The following PLPPR5 variants were observed in gnomAD, a reference collection of about 807,000 sequenced individuals.
PLPPR5 encodes the protein phospholipid phosphatase related 5.
In PLPPR5, 16 loss-of-function variants were observed where a neutral mutation model predicts 33.9. The ratio of observed to expected loss-of-function variants is 0.47; its 90% confidence interval spans 0.32 to 0.72. PLPPR5 has a LOEUF of 0.72. PLPPR5 is among the 30% of genes least tolerant of loss of function. PLPPR5 has a pLI of 0.03. For synonymous variants in PLPPR5, 163 were observed against 150.3 expected (o/e 1.08, Z -0.62); for missense variants, 301 against 406.7 (o/e 0.74, Z 2.23).
intron 1 of PLPPR5, among the ~76,000 whole-genome samples, chr1:98,965,132 C>T (rs7522359): frequency 0.11 from 16,741 of 151,984 alleles, 991 homozygotes; most frequent in African/African-American, 0.12. Context: ...TATCTATGCA[C>T]TCAGAGCTGG....
chr1:98,897,256 T>G (rs1648515510), intron 5 of PLPPR5, among the ~76,000 whole-genome samples: 1 of 152,222 alleles, frequency 6.6e-6, no homozygotes, highest in African/African-American at 2.4e-5. Flanking sequence ...CACATACGTT[T>G]ATTGCCTTAA....
At chr1:98,951,022 G>A (rs1650763291) in intron 3 of PLPPR5, among the ~76,000 whole-genome samples, 1 of 152,092 alleles carries the variant, frequency 6.6e-6, no homozygotes, top group Admixed American at 6.5e-5. Flanking sequence ...ATGTCTATTA[G>A]TATTAAAATA....
intron 5 of PLPPR5, among the ~76,000 whole-genome samples, chr1:98,898,282 T>A (rs969400936): frequency 6.6e-6 from 1 of 152,128 alleles, no homozygotes; most frequent in South Asian, 2.1e-4. Context: ...TGTAAAAACA[T>A]CTGACACTAA....
chr1:98,966,036 T>C (rs762377641), intron 1 of PLPPR5, among the ~76,000 whole-genome samples: 4 of 152,196 alleles, frequency 2.6e-5, no homozygotes, highest in Non-Finnish European at 5.9e-5. Flanking sequence ...GGGGTTTTAT[T>C]TGTTACAGAA....
chr1:98,978,789 G>A (rs1035246502), intron 1 of PLPPR5, among the ~76,000 whole-genome samples: 1 of 151,922 alleles, frequency 6.6e-6, no homozygotes, highest in Non-Finnish European at 1.5e-5. Flanking sequence ...CATATCATAA[G>A]GAAACTGAGA....
chr1:98,964,853 G>A (rs2101235262), intron 1 of PLPPR5, among the ~76,000 whole-genome samples: 1 of 152,138 alleles, frequency 6.6e-6, no homozygotes, highest in East Asian at 1.9e-4. Context: ...GCCCAGGGTG[G>A]AGTGCCATGG....
At position 98,920,415 on chromosome 1, in the gene PLPPR5, CT is replaced by C. The variant is rs561821365; in HGVS notation, c.798+1466del. Reference sequence around the variant, plus strand: ...TATGTAAAGTTTGTTGTTGGTTTTGCTTTTTGAATGTTAACCAGTTTCAACT... The same window carrying C: ...TATGTAAAGTTTGTTGTTGGTTTTGCTTTTGAATGTTAACCAGTTTCAACT... On this transcript the variant is annotated intron_variant, in intron 4 of 5. Transcript: ENST00000263177. Among the ~76,000 whole-genome samples the C allele has an allele frequency of 7.5e-5, 10 of 133,372 alleles. No homozygotes were observed. The East Asian group carries it at 1.9e-3, about 26-fold the overall frequency. 87.5% of individuals were successfully genotyped at this position (133,372 alleles called of 152,430 possible). A position where few individuals can be genotyped will look rare whatever the true frequency, so the allele number is the denominator to read the frequency against.
At chr1:98,947,750 C>T (rs1484064751) in intron 3 of PLPPR5, among the ~76,000 whole-genome samples, 1 of 152,174 alleles carries the variant, frequency 6.6e-6, no homozygotes, top group Non-Finnish European at 1.5e-5. Context: ...ACATCAATAA[C>T]ACTTAGCTGA....
chr1:98,925,152 CT>C (rs1428265226), intron 3 of PLPPR5, among the ~76,000 whole-genome samples: 2 of 152,186 alleles, frequency 1.3e-5, no homozygotes, highest in African/African-American at 2.4e-5. Context: ...GCATAATAAT[CT>C]ATTAAGCATG....
intron 1 of PLPPR5, among the ~76,000 whole-genome samples, chr1:98,958,971 G>A (rs1228590050): frequency 6.6e-6 from 1 of 151,934 alleles, no homozygotes; most frequent in Non-Finnish European, 1.5e-5. Flanking sequence ...CCCCAACTCA[G>A]GCTACCATGC....
chr1:98,984,231 T>C (rs1169680946), intron 1 of PLPPR5, among the ~76,000 whole-genome samples: 1 of 151,890 alleles, frequency 6.6e-6, no homozygotes, highest in Non-Finnish European at 1.5e-5. Flanking sequence ...ATCAAGAGAG[T>C]GTCTATGCAA....
chr1:98,924,494 G>A (rs1649679671), intron 3 of PLPPR5, among the ~76,000 whole-genome samples: 1 of 152,194 alleles, frequency 6.6e-6, no homozygotes, highest in African/African-American at 2.4e-5. Context: ...GGCCACCACA[G>A]AATCATAGGA....
At chr1:98,902,278 T>C (rs1648722026) in intron 5 of PLPPR5, among the ~76,000 whole-genome samples, 1 of 152,150 alleles carries the variant, frequency 6.6e-6, no homozygotes, top group Non-Finnish European at 1.5e-5. Context: ...TGCATTGTTA[T>C]GTGAATAAAG....
At chr1:98,945,501 G>A (rs1052817894) in intron 3 of PLPPR5, among the ~76,000 whole-genome samples, 3 of 152,186 alleles carry the variant, frequency 2.0e-5, no homozygotes, top group Non-Finnish European at 2.9e-5. Context: ...CCAGGAGGTA[G>A]TGTGATGTAA....
chr1:98,938,161 GA>G (rs201954296), intron 3 of PLPPR5, among the ~76,000 whole-genome samples: 1 of 148,274 alleles, frequency 6.7e-6, no homozygotes, highest in East Asian at 2.0e-4. Context: ...AAAGAAAAAG[GA>G]AAAAAAAAGA....
At chr1:98,933,228 G>A (rs1650049552) in intron 3 of PLPPR5, among the ~76,000 whole-genome samples, 1 of 151,616 alleles carries the variant, frequency 6.6e-6, no homozygotes, top group Admixed American at 6.6e-5. Flanking sequence ...GCTCATGCCT[G>A]TAATCCCAGC....
chr1:98,909,553 C>T (rs116157485), intron 5 of PLPPR5, among the ~76,000 whole-genome samples: 2,355 of 151,906 alleles, frequency 0.016, 68 homozygotes, highest in African/African-American at 0.054. Context: ...AAGGGTTTCA[C>T]TGGTACCAGA....
intron 3 of PLPPR5, among the ~76,000 whole-genome samples, chr1:98,946,199 A>G (rs1426898982): frequency 6.6e-6 from 1 of 152,118 alleles, no homozygotes; most frequent in Non-Finnish European, 1.5e-5. Flanking sequence ...AGTTTCTTTC[A>G]ATTTTAATTC....
intron 3 of PLPPR5, among the ~76,000 whole-genome samples, chr1:98,931,861 A>C (rs575735302): frequency 3.3e-5 from 5 of 152,308 alleles, no homozygotes; most frequent in African/African-American, 1.2e-4. Context: ...TGAATTTTAA[A>C]ATATCACTTT....
Sources: allele counts gnomAD v4.1 joint callset (sites outside exome capture counted in the v4.1 genomes callset), GRCh38; gene constraint gnomAD v4.1.1; transcripts MANE v1.5; gene names NCBI Gene and HGNC (gene_info 2026-07-23, HGNC 2026-07-21).